Variants in NDUFAF6 observed in about 807,000 individuals in gnomAD.
The protein encoded by NDUFAF6 is NADH dehydrogenase (ubiquinone) complex I, assembly factor 6.
Under a neutral mutation model 40.8 loss-of-function variants are expected in NDUFAF6, and 45 were observed. The ratio of observed to expected loss-of-function variants is 1.10; its 90% CI spans 0.87 to 1.42. The LOEUF is 1.42. Among genes scored for constraint, NDUFAF6 ranks in the 40% most tolerant of loss-of-function variants. The pLI is 0.00. For missense variants in NDUFAF6, 435 were observed against 418.5 expected (o/e 1.04, Z -0.34); for synonymous variants, 185 against 155.9 (o/e 1.19, Z -1.39).
Position 95,048,481 on chromosome 8 carries a change from C to G in NDUFAF6, c.739C>G (p.Leu247Val), listed in dbSNP as rs1253208980. The stretch of plus-strand genomic sequence containing the variant: ...GCATGGTGTTTCACAAGAGGACTTT[C>G]TACGGAGGAACCAAGATAAAAATGT... The part of the protein sequence containing the change: ...MLHGVSQEDF[L>V]RRNQDKNVRD... The change falls in exon 7 of 9, where the codon CTA becomes GTA. Residue 247 changes from leucine (L) to valine (V), a missense_variant. Coordinates refer to ENST00000396124, the MANE Select transcript of NDUFAF6 (RefSeq NM_152416.4). 6.2e-7 allele frequency: 1 copy of G among 1,613,810 alleles called. No individual in the cohort carries two copies. The highest frequency in any genetic ancestry group is 1.3e-5 in the African/African-American group (1 of 74,888).
At chr8:95,034,042 C>CTGTA in intron 2 of NDUFAF6, 1 of 457,802 alleles carries the variant, frequency 2.2e-6, no homozygotes, top group South Asian at 1.5e-5. Context: ...GTACTGTATG[C>CTGTA]CACTGGGATC....
intron 4 of NDUFAF6, among the ~76,000 whole-genome samples, 181 bp from the exon 5 acceptor site, chr8:95,045,364 T>C (rs765670552): frequency 6.6e-6 from 1 of 152,234 alleles, no homozygotes; most frequent in Non-Finnish European, 1.5e-5. Context: ...TTTGAGGTGG[T>C]GATTTCAAAG....
At chr8:94,958,522 CTTTTTTT>C (rs55703438) in intron 1 of NDUFAF6, among the ~76,000 whole-genome samples, 8 of 71,276 alleles carry the variant, frequency 1.1e-4, no homozygotes, top group Admixed American at 3.9e-4. Context: ...TAGTCACATT[CTTTTTTT>C]TTTTTTTTTT....
intron 7 of NDUFAF6, among the ~76,000 whole-genome samples, chr8:95,049,881 C>T (rs1239207515): frequency 6.6e-6 from 1 of 152,198 alleles, no homozygotes; most frequent in Non-Finnish European, 1.5e-5. Context: ...GTATATTCTT[C>T]AGCATCTAAA....
chr8:94,941,026 G>C (rs967437552), intron 1 of NDUFAF6: 1 of 968,224 alleles, frequency 1.0e-6, no homozygotes, highest in Non-Finnish European at 1.6e-6. Context: ...CAATGGTACC[G>C]ACAGGAGATT....
At chr8:95,019,160 G>A (rs143020342) in intron 2 of NDUFAF6, among the ~76,000 whole-genome samples, 2,664 of 152,178 alleles carry the variant, frequency 0.018, 66 homozygotes, top group African/African-American at 0.061. Flanking sequence ...ACAGGTTTGC[G>A]CCACCATGCC....
At chr8:94,955,998 A>T (rs1823037304), upstream of NDUFAF6, among the ~76,000 whole-genome samples, 2 of 152,318 alleles carry the variant, frequency 1.3e-5, no homozygotes, top group South Asian at 4.1e-4. Context: ...TCAGAACAGA[A>T]TTTAAAGTGA....
At chr8:94,999,481 A>G (rs1019668606) in intron 2 of NDUFAF6, among the ~76,000 whole-genome samples, 12 of 150,476 alleles carry the variant, frequency 8.0e-5, no homozygotes, top group African/African-American at 2.7e-4. Flanking sequence ...CAGTGGTGCA[A>G]TCTTGGCTCA....
intron 4 of NDUFAF6, among the ~76,000 whole-genome samples, chr8:95,111,922 C>T (rs1205361520): frequency 2.0e-5 from 3 of 152,166 alleles, no homozygotes; most frequent in Non-Finnish European, 4.4e-5. Flanking sequence ...TATGGATAAG[C>T]CTTTTGTCCC....
At chr8:94,952,873 G>A (rs116183732) in intron 2 of NDUFAF6, among the ~76,000 whole-genome samples, 2 of 152,302 alleles carry the variant, frequency 1.3e-5, no homozygotes, top group African/African-American at 2.4e-5. Context: ...AAAAGGAGGC[G>A]GGCCCCCTTC....
At chr8:94,930,938 C>CA (rs1820334209) in intron 1 of NDUFAF6, among the ~76,000 whole-genome samples, 1 of 152,156 alleles carries the variant, frequency 6.6e-6, no homozygotes, top group African/African-American at 2.4e-5. Context: ...AGAAAGATGC[C>CA]ATATAAGCCC....
At chr8:94,899,850 T>C (rs948182934) in intron 1 of NDUFAF6, among the ~76,000 whole-genome samples, 1 of 152,146 alleles carries the variant, frequency 6.6e-6, no homozygotes, top group Non-Finnish European at 1.5e-5. Context: ...TTAAAACCTT[T>C]CTGTACCTCC....
chr8:94,986,964 A>AT (rs573752842), intron 2 of NDUFAF6, among the ~76,000 whole-genome samples: 35 of 151,626 alleles, frequency 2.3e-4, no homozygotes, highest in Non-Finnish European at 3.8e-4. Context: ...TAAAACTGGG[A>AT]TTTTTTTTTC....
downstream of NDUFAF6, among the ~76,000 whole-genome samples, chr8:95,107,788 A>G (rs923990378): frequency 2.0e-5 from 3 of 152,248 alleles, no homozygotes; most frequent in Non-Finnish European, 4.4e-5. Flanking sequence ...TATGTAAGGC[A>G]CAGAATGAGT....
At chr8:95,030,434 T>C (rs955485094) in intron 1 of NDUFAF6, among the ~76,000 whole-genome samples, 4 of 152,094 alleles carry the variant, frequency 2.6e-5, no homozygotes. Flanking sequence ...AGTGTCTCAC[T>C]GTGTTGTCCA....
chr8:94,985,508 TATATATA>T (rs1436549484), intron 2 of NDUFAF6, among the ~76,000 whole-genome samples: 66 of 5,768 alleles, frequency 0.011, 1 homozygote, highest in Middle Eastern at 0.045. Context: ...TATATATATA[TATATATA>T]TTTTTTTTTT....
chr8:94,974,398 C>T (rs13274945), intron 1 of NDUFAF6, among the ~76,000 whole-genome samples: 69,358 of 151,874 alleles, frequency 0.46, 17,031 homozygotes, highest in East Asian at 0.72. Context: ...GAAACTTGCC[C>T]CCAGCAAGAC....
chr8:95,061,618 G>C (rs1046992010), downstream of NDUFAF6, among the ~76,000 whole-genome samples: 8 of 152,122 alleles, frequency 5.3e-5, no homozygotes, highest in African/African-American at 1.9e-4. Context: ...TAAAAGTTAG[G>C]ACTCTCCAAA....
chr8:94,966,248 T>C (rs1470679278), intron 1 of NDUFAF6, among the ~76,000 whole-genome samples: 2 of 152,186 alleles, frequency 1.3e-5, no homozygotes, highest in African/African-American at 4.8e-5. Flanking sequence ...CCCTGGGGAC[T>C]TCACATGTAA....
Sources: allele counts gnomAD v4.1 joint callset (sites outside exome capture counted in the v4.1 genomes callset), GRCh38; gene constraint gnomAD v4.1.1; transcripts MANE v1.5; gene names NCBI Gene and HGNC (gene_info 2026-07-23, HGNC 2026-07-21).